The following LY75 variants were observed in gnomAD, a reference collection of about 807,000 sequenced individuals.
LY75 encodes the protein C-type lectin domain family 13 member B.
In LY75, 185 loss-of-function variants were observed where a neutral mutation model predicts 231.7. That is an observed-to-expected ratio of 0.80 (90% CI 0.71 to 0.90). LY75 has a LOEUF of 0.90. LY75 is among the 40% of genes least tolerant of loss of function. The pLI, the probability that LY75 is intolerant of heterozygous loss-of-function variation, is 0.00. For synonymous variants in LY75, 668 were observed against 689.0 expected, an observed-to-expected ratio of 0.97 and a Z score of 0.48; for missense variants, 1,947 against 2,050.2, an observed-to-expected ratio of 0.95 and a Z score of 0.97.
intron 3 of LY75, among the ~76,000 whole-genome samples, chr2:159,892,212 C>G (rs1310608784): frequency 6.6e-6 from 1 of 152,168 alleles, no homozygotes; most frequent in East Asian, 1.9e-4. Context: ...TAAGTCTTAA[C>G]CCAGTATAAT....
chr2:159,850,281 G>A (rs770418682), intron 22 of LY75, 81 bp downstream of exon 22: 11 of 1,542,950 alleles, frequency 7.1e-6, no homozygotes, highest in Non-Finnish European at 9.6e-6. Context: ...AAGAATTTTT[G>A]TATGTTAATT....
chr2:159,846,658 A>C (rs554775702), intron 23 of LY75, among the ~76,000 whole-genome samples: 54 of 152,356 alleles, frequency 3.5e-4, no homozygotes, highest in African/African-American at 1.3e-3. Context: ...AAATATACAG[A>C]TTTGAACATA....
At chr2:159,817,819 G>A (rs561725954) in intron 29 of LY75, among the ~76,000 whole-genome samples, 20 of 152,118 alleles carry the variant, frequency 1.3e-4, no homozygotes, top group Non-Finnish European at 2.6e-4. Flanking sequence ...AGGCCAAGGC[G>A]GGGGGATCAC....
intron 3 of LY75, among the ~76,000 whole-genome samples, chr2:159,892,274 G>A (rs1394531716): frequency 1.3e-5 from 2 of 152,216 alleles, no homozygotes; most frequent in Non-Finnish European, 2.9e-5. Context: ...ATTCCCGAAG[G>A]AGGGATCAGC....
chr2:159,817,153 G>A, intron 29 of LY75, 121 bp from the exon 30 acceptor site: 1 of 1,037,050 alleles, frequency 9.6e-7, no homozygotes, highest in Non-Finnish European at 1.3e-6. Context: ...TAATAAGGGA[G>A]GTCAAATGTA....
chr2:159,829,696 T>A (rs1333365054), intron 28 of LY75, among the ~76,000 whole-genome samples: 1 of 152,144 alleles, frequency 6.6e-6, no homozygotes, highest in Non-Finnish European at 1.5e-5. Context: ...CAGATGTAAA[T>A]TAAGTCAGTA....
At chr2:159,812,671 C>T (rs139413037) in intron 31 of LY75, among the ~76,000 whole-genome samples, 2 of 152,254 alleles carry the variant, frequency 1.3e-5, no homozygotes, top group African/African-American at 4.8e-5. Context: ...TCTCAGCCCC[C>T]CAAAGTGCTG....
chr2:159,874,688 TATATATATTTTGTAAATATATGTAAATA>T lies in LY75; in HGVS notation c.1974+728_1974+755del, dbSNP rs1560094051. 6.3e-4 allele frequency among the ~76,000 whole-genome samples: 76 copies of T among 120,220 alleles called. 2 individuals carry two copies. In the South Asian group the frequency reaches 8.9e-3, roughly 14 times the overall value. 78.9% of individuals were successfully genotyped at this position (120,220 alleles called of 152,430 possible). A position where few individuals can be genotyped will look rare whatever the true frequency, so the allele number is the denominator to read the frequency against. ...TATATATTTTGTAAATATATGTAAA[TATATATATTTTGTAAATATATGTAAATA>T]TATATATTTTGTAAATATATGTAAA... On this transcript the variant is annotated intron_variant, in intron 12 of 34. Coordinates refer to ENST00000263636, the MANE Select transcript of LY75 (RefSeq NM_002349.4).
chr2:159,850,242 T>C, intron 22 of LY75, 102 bp from the exon 23 acceptor site: 1 of 1,505,810 alleles, frequency 6.6e-7, no homozygotes, highest in Non-Finnish European at 8.9e-7. Context: ...CATAGTCTTT[T>C]ATCTGTTCCA....
At chr2:159,833,097 T>C (rs929224947) in intron 27 of LY75, among the ~76,000 whole-genome samples, 1 of 151,942 alleles carries the variant, frequency 6.6e-6, no homozygotes, top group African/African-American at 2.4e-5. Context: ...TCCAGTTCTC[T>C]GCTCTCTTGT....
At chr2:159,854,585 T>G in intron 17 of LY75, 50 bp from the exon 18 acceptor site, 1 of 1,574,624 alleles carries the variant, frequency 6.4e-7, no homozygotes, top group South Asian at 1.2e-5. Context: ...CAAAGCAAAC[T>G]GTGTCCTCTA....
chr2:159,894,936 T>A (rs1006739653), intron 2 of LY75, among the ~76,000 whole-genome samples: 1 of 152,212 alleles, frequency 6.6e-6, no homozygotes, highest in Non-Finnish European at 1.5e-5. Flanking sequence ...TATCCCTGTA[T>A]CCCTGTCACA....
intron 14 of LY75, among the ~76,000 whole-genome samples, chr2:159,864,276 T>A (rs539679956): frequency 6.6e-6 from 1 of 152,262 alleles, no homozygotes; most frequent in African/African-American, 2.4e-5. Context: ...GTTTTTGTTG[T>A]CTGTGTTTTT....
chr2:159,847,478 G>A (rs1250515188), intron 23 of LY75, among the ~76,000 whole-genome samples: 4 of 152,118 alleles, frequency 2.6e-5, no homozygotes, highest in Admixed American at 6.6e-5. Flanking sequence ...GATTACAGGC[G>A]TGAGCCACCA....
rs754637501 is a variant in LY75 at position 159,850,472 on chromosome 2, A to C, written c.2884-5T>G. On this transcript the variant is annotated splice_region_variant and splice_polypyrimidine_tract_variant and intron_variant, in intron 21 of 34. Coordinates refer to ENST00000263636, the MANE Select transcript of LY75 (RefSeq NM_002349.4). The stretch of plus-strand genomic sequence containing the variant: ...GGGTTTGATCTTTAGAAAACACTGC[A>C]AACAAAGACATATGTGAAGCATGAG... 2 of 1,613,200 alleles carry C rather than the reference A, an allele frequency of 1.2e-6. No homozygotes were observed. Among genetic ancestry groups the C allele is most frequent in the African/African-American group, 2.7e-5 (2 of 74,846 alleles).
chr2:159,855,962 C>G (rs764847142), intron 16 of LY75, among the ~76,000 whole-genome samples: 4 of 152,220 alleles, frequency 2.6e-5, no homozygotes, highest in Non-Finnish European at 5.9e-5. Context: ...TTTAGTCTCT[C>G]TCTGAGCCAG....
At chr2:159,848,093 T>TATATATACACACACACACACAC in intron 23 of LY75, among the ~76,000 whole-genome samples, 3 of 28,548 alleles carry the variant, frequency 1.1e-4, no homozygotes, top group African/African-American at 4.2e-4. Context: ...TATATATATA[T>TATATATACACACACACACACAC]ACACACACAC....
chr2:159,890,366 C>G lies in LY75; in HGVS notation c.649G>C (p.Glu217Gln), dbSNP rs1560103647. 1 of 1,613,128 alleles carries G rather than the reference C, an allele frequency of 6.2e-7. No homozygotes were observed. Residue 217 changes from glutamate (E) to glutamine (Q), a missense_variant, in exon 4 of 35, where the codon GAA becomes CAA. Coordinates refer to ENST00000263636, the MANE Select transcript of LY75 (RefSeq NM_002349.4). The part of the protein sequence containing the change: ...GICLKPENGC[E>Q]DNWEKNEQFG... ...TGCTCGTTCTTTTCCCAATTATCTTCACAACCGTTTTCTGTTGATAAAGAC... is the reference window on the plus strand; with the variant it reads ...TGCTCGTTCTTTTCCCAATTATCTTGACAACCGTTTTCTGTTGATAAAGAC...
rs1682714543 is a variant in LY75 at position 159,803,435 on chromosome 2, C to T, written c.*1609G>A. ...AGCTGTGCTTTTCACATCAAGTTGG[C>T]TTAGTTCTTGGAGGAAAGTCTTAGT... is the stretch of plus-strand genomic sequence containing the variant. On this transcript the variant is annotated 3_prime_UTR_variant, in exon 35 of 35. Transcript: ENST00000263636. 1.3e-5 allele frequency: 2 copies of T among 152,220 alleles called. No individual in the cohort carries two copies. The highest frequency in any genetic ancestry group is 4.8e-5 in the African/African-American group (2 of 41,544). 9.4% of individuals were successfully genotyped at this position (152,220 alleles called of 1,614,324 possible).
Sources: gnomAD v4.1 joint callset for allele counts (sites outside exome capture counted in the v4.1 genomes callset) on GRCh38, gnomAD v4.1.1 for gene constraint, MANE v1.5 for transcripts, NCBI Gene and HGNC (gene_info 2026-07-23, HGNC 2026-07-21) for gene names.